The following CSE1L variants were observed in gnomAD, a reference collection of about 807,000 sequenced individuals.
CSE1L encodes exportin-2.
Under a neutral mutation model 120.4 loss-of-function variants are expected in CSE1L, and 24 were observed. The ratio of observed to expected loss-of-function variants is 0.20; its 90% CI spans 0.14 to 0.28. The LOEUF (loss-of-function observed/expected upper bound fraction) is 0.28. CSE1L is among the 10% of genes least tolerant of loss of function. The probability of loss-of-function intolerance (pLI) is 1.00; values close to 1 mark genes in which losing one functional copy is unlikely to be tolerated. For synonymous variants in CSE1L, 402 were observed against 398.3 expected (o/e 1.01, Z -0.11); for missense variants, 830 against 1,145.2 (o/e 0.72, Z 3.97).
intron 19 of CSE1L, 72 bp from the exon 20 acceptor site, chr20:49,090,670 C>T: frequency 1.8e-6 from 2 of 1,105,782 alleles, no homozygotes; most frequent in Non-Finnish European, 2.8e-6. Flanking sequence ...TGTTTTAAGA[C>T]ATATATCATG....
At chr20:49,077,914 G>A (rs1353355680) in intron 13 of CSE1L, among the ~76,000 whole-genome samples, 1 of 152,094 alleles carries the variant, frequency 6.6e-6, no homozygotes, top group Non-Finnish European at 1.5e-5. Context: ...TGAGGCAGGA[G>A]AATCGCTTGA....
intron 3 of CSE1L, 79 bp from the exon 4 acceptor site, chr20:49,066,113 A>C: frequency 3.3e-6 from 4 of 1,196,134 alleles, no homozygotes; most frequent in Non-Finnish European, 3.6e-6. Context: ...AAATAAAAAA[A>C]CAGTTATGTT....
chr20:49,052,561 G>A (rs1442615866), intron 1 of CSE1L, among the ~76,000 whole-genome samples: 1 of 152,170 alleles, frequency 6.6e-6, no homozygotes, highest in African/African-American at 2.4e-5. Context: ...GAGGAGGTAG[G>A]AGATGAGGTC....
At chr20:49,074,379 A>G (rs2091955359) in intron 10 of CSE1L, among the ~76,000 whole-genome samples, 3 of 151,978 alleles carry the variant, frequency 2.0e-5, no homozygotes, top group Admixed American at 6.6e-5. Flanking sequence ...CATTTCTGAC[A>G]TTGTCCACTC....
chr20:49,054,965 T>C (rs1040510815), intron 1 of CSE1L, among the ~76,000 whole-genome samples: 2 of 152,238 alleles, frequency 1.3e-5, no homozygotes, highest in Non-Finnish European at 2.9e-5. Flanking sequence ...TGGGAAACTC[T>C]TGGATGGCCA....
Position 49,096,656 on chromosome 20 carries a change from A to G in CSE1L, c.*218A>G, listed in dbSNP as rs567041385. 24 of 581,632 alleles carry G rather than the reference A, an allele frequency of 4.1e-5. No homozygotes were observed. The highest frequency in any genetic ancestry group is 7.5e-5 in the African/African-American group (4 of 53,554). The allele number at this position is 581,632 out of a possible 1,614,324, so 36.0% of individuals were successfully genotyped here. Reference sequence around the variant, plus strand: ...GGGTGGCTTCTAGTTTGCAACTTCAAGGGACAAGTATTAATAGTTCAGTGT... The same window carrying G: ...GGGTGGCTTCTAGTTTGCAACTTCAGGGGACAAGTATTAATAGTTCAGTGT... On this transcript the variant is annotated 3_prime_UTR_variant, in exon 25 of 25. Coordinates refer to ENST00000262982, the MANE Select transcript of CSE1L (RefSeq NM_001316.4).
intron 22 of CSE1L, among the ~76,000 whole-genome samples, chr20:49,093,143 T>C (rs2092114319): frequency 6.6e-6 from 1 of 152,172 alleles, no homozygotes; most frequent in Admixed American, 6.5e-5. Context: ...AAAAAATGAA[T>C]TACTCTGGAA....
chr20:49,090,545 A>G (rs1053963438), intron 19 of CSE1L, among the ~76,000 whole-genome samples, 197 bp from the exon 20 acceptor site: 3 of 152,174 alleles, frequency 2.0e-5, no homozygotes, highest in African/African-American at 7.2e-5. Context: ...AACAAGAGTG[A>G]AACTCCGTCT....
At position 49,077,035 on chromosome 20, in the gene CSE1L, A is replaced by C; in HGVS notation, c.1391A>C (p.His464Pro). 6.2e-7 allele frequency: 1 copy of C among 1,607,346 alleles called. No individual in the cohort carries two copies. The highest frequency in any genetic ancestry group is 8.5e-7 in the Non-Finnish European group (1 of 1,177,774). The part of the protein sequence containing the change: ...LVNLTEFFVN[H>P]ILPDLKSANV... ...AACCTAACTGAGTTCTTTGTGAATCACATCCTCCCTGATTTAAAATCAGCT... is the reference window on the plus strand; with the variant it reads ...AACCTAACTGAGTTCTTTGTGAATCCCATCCTCCCTGATTTAAAATCAGCT... Residue 464 changes from histidine to proline, a missense_variant, in exon 13 of 25, where the codon CAC becomes CCC. His to Pro is a moderately conservative substitution (Grantham distance 77). Around this residue, in one of 4 missense-constraint regions of CSE1L, gnomAD observed 543 missense variants for 640.2 expected, o/e 0.85. Coordinates refer to ENST00000262982, the MANE Select transcript of CSE1L (RefSeq NM_001316.4).
chr20:49,080,864 C>G (rs2092006926), intron 14 of CSE1L, among the ~76,000 whole-genome samples: 1 of 152,216 alleles, frequency 6.6e-6, no homozygotes, highest in Admixed American at 6.5e-5. Flanking sequence ...CAGCCTTAAA[C>G]TTGTAGGCTC....
rs576461261 is a variant in CSE1L, at chr20:49,081,126, C to T, written c.1482+2504C>T. On this transcript the variant is annotated intron_variant, in intron 14 of 24. Coordinates refer to ENST00000262982, the MANE Select transcript of CSE1L (RefSeq NM_001316.4). ...AGCCTCCTGAGTAGCTGGGATTACACGTGCCTGCCACCATACCCAGCTAAT... is the reference window on the plus strand; with the variant it reads ...AGCCTCCTGAGTAGCTGGGATTACATGTGCCTGCCACCATACCCAGCTAAT... Among the ~76,000 whole-genome samples the T allele has an allele frequency of 1.6e-4, 24 of 151,356 alleles. No individual in the cohort carries two copies. The South Asian group carries it at 2.7e-3, about 17-fold the overall frequency.
chr20:49,072,547 TG>T lies in CSE1L; in HGVS notation c.937-20del, dbSNP rs1345758864. On this transcript the variant is annotated intron_variant, in intron 9 of 24. Transcript: ENST00000262982. The stretch of plus-strand genomic sequence containing the variant: ...TGAGTTTTGCTTTTAAAAATATTCT[TG>T]TTTTTGTGTTTTGTTCCAGTTGGTA... 1 of 1,603,912 alleles carries T rather than the reference TG, an allele frequency of 6.2e-7. No homozygotes were observed. The highest frequency in any genetic ancestry group is 8.5e-7 in the Non-Finnish European group (1 of 1,174,754).
intron 22 of CSE1L, among the ~76,000 whole-genome samples, chr20:49,092,907 C>G (rs908118044): frequency 4.0e-5 from 6 of 151,836 alleles, no homozygotes; most frequent in African/African-American, 1.5e-4. Context: ...GCTGCTAATG[C>G]AAACACAGCA....
chr20:49,058,549 G>A lies in CSE1L; in HGVS notation c.85+1G>A. 1 of 1,612,244 alleles carries A rather than the reference G, an allele frequency of 6.2e-7. No individual in the cohort carries two copies. The highest frequency in any genetic ancestry group is 8.5e-7 in the Non-Finnish European group (1 of 1,178,784). On this transcript the variant is annotated splice_donor_variant, in intron 2 of 24. Coordinates refer to ENST00000262982, the MANE Select transcript of CSE1L (RefSeq NM_001316.4). LOFTEE classifies it high-confidence loss of function. ...CCTGATCCTGCCATCCGACGTCCAG[G>A]TAAAGAAAATAAACGTTTTTTGGTT...
chr20:49,094,421 C>A, intron 23 of CSE1L, 135 bp downstream of exon 23: 1 of 878,536 alleles, frequency 1.1e-6, no homozygotes, highest in Non-Finnish European at 1.8e-6. Flanking sequence ...AGATCCAAGA[C>A]ATGATTTCTG....
Position 49,066,360 on chromosome 20 carries a change from C to T in CSE1L, c.331-5C>T, listed in dbSNP as rs1461886828. 1.2e-6 allele frequency: 2 copies of T among 1,614,146 alleles called. No homozygotes were observed. The highest frequency in any genetic ancestry group is 8.5e-7 in the Non-Finnish European group (1 of 1,180,038). On this transcript the variant is annotated splice_polypyrimidine_tract_variant and splice_region_variant and intron_variant, in intron 4 of 24. Transcript: ENST00000262982. Reference sequence around the variant, plus strand: ...TCTGATCTAATTAATCTTTTCCTCTCCTAGTTAAGTGATGCAATTAGCATT... The same window carrying T: ...TCTGATCTAATTAATCTTTTCCTCTTCTAGTTAAGTGATGCAATTAGCATT...
Position 49,066,247 on chromosome 20 carries a change from A to T in CSE1L, c.284A>T (p.Asn95Ile). 2 of 1,614,258 alleles carry T rather than the reference A, an allele frequency of 1.2e-6. No homozygotes were observed. The highest frequency in any genetic ancestry group is 4.5e-5 in the East Asian group (2 of 44,886). ...CEADRVAIKA[N>I]IVHLMLSSPE... is the part of the protein sequence containing the mutation. ...GCCGATCGAGTGGCCATTAAAGCCA[A>T]CATAGTGCACTTGATGCTTAGCAGC... The change falls in exon 4 of 25, where the codon AAC becomes ATC. Residue 95 changes from asparagine (N) to isoleucine (I), a missense_variant. Coordinates refer to ENST00000262982, the MANE Select transcript of CSE1L (RefSeq NM_001316.4).
At chr20:49,079,022 G>T (rs1480777630) in intron 14 of CSE1L, among the ~76,000 whole-genome samples, 1 of 151,956 alleles carries the variant, frequency 6.6e-6, no homozygotes, top group Non-Finnish European at 1.5e-5. Flanking sequence ...CTCCCAAATA[G>T]CTAGGATTAC....
At chr20:49,082,715 G>T (rs2092023223) in intron 14 of CSE1L, among the ~76,000 whole-genome samples, 2 of 151,636 alleles carry the variant, frequency 1.3e-5, no homozygotes, top group South Asian at 4.2e-4. Context: ...TAGAGACGGG[G>T]TTTCACTGTG....
Sources: allele counts gnomAD v4.1 joint callset (sites outside exome capture counted in the v4.1 genomes callset), GRCh38; gene constraint gnomAD v4.1.1; regional missense constraint gnomAD v4.1.1; transcripts MANE v1.5; gene names NCBI Gene and HGNC (gene_info 2026-07-23, HGNC 2026-07-21).